RRP1B: variants seen among roughly 807,000 people sequenced by gnomAD.
The protein encoded by RRP1B is ribosomal RNA processing protein 1 homolog B.
Under a neutral mutation model 80.2 loss-of-function variants are expected in RRP1B, and 56 were observed. The observed-to-expected ratio is 0.70, with a 90% CI of 0.56 to 0.87. The LOEUF is 0.87. Among genes scored for constraint, RRP1B ranks in the 40% least tolerant of loss-of-function variants. RRP1B has a pLI of 0.00. For synonymous variants in RRP1B, 351 were observed against 357.6 expected (o/e 0.98, Z 0.21); for missense variants, 807 against 939.8 (o/e 0.86, Z 1.85).
chr21:43,659,570 G>A lies in RRP1B; in HGVS notation c.-95G>A. ...CGCCGCCGCCGCCTTCTGTGCAGTC[G>A]CGGCCCGGGCGGACGGTGGCTGGCT... On this transcript the variant is annotated 5_prime_UTR_variant, in exon 1 of 16. Transcript: ENST00000340648. The surrounding 1 kb of genome is among the most constrained non-coding windows in gnomAD (Gnocchi z 4.2). 2 of 1,234,290 alleles carry A rather than the reference G, an allele frequency of 1.6e-6. No homozygotes were observed. The highest frequency in any genetic ancestry group is 2.0e-6 in the Non-Finnish European group (2 of 986,736). 76.5% of individuals were successfully genotyped at this position (1,234,290 alleles called of 1,614,324 possible). A position where few individuals can be genotyped will look rare whatever the true frequency, so the allele number is the denominator to read the frequency against.
At position 43,693,251 on chromosome 21, in the gene RRP1B, C is replaced by T. The variant is rs751084311; in HGVS notation, c.2145C>T (p.Phe715=). ...VSPTGPSRVA[F]DPEQKPLHGV... ...CCACGGGCCCTTCTCGAGTGGCCTT[C>T]GACCCTGAACAGAAGCCCCTCCACG... Residue 715 remains phenylalanine (F), a synonymous_variant, in exon 16 of 16, where the codon TTC becomes TTT. Transcript: ENST00000340648. This position sits in a 1 kb window ranked among gnomAD's most constrained non-coding sequence, Gnocchi z 4.1. The T allele has an allele frequency of 5.0e-6, 8 of 1,614,040 alleles. No individual in the cohort carries two copies. In the Admixed American group the frequency reaches 6.7e-5, roughly 13 times the overall value.
intron 8 of RRP1B, 79 bp from the exon 9 acceptor site, chr21:43,683,200 A>T: frequency 8.6e-7 from 1 of 1,163,096 alleles, no homozygotes; most frequent in South Asian, 1.3e-5. Flanking sequence ...ACACCTAATT[A>T]GACAGTGGCT....
chr21:43,679,971 T>C (rs2083036927), intron 8 of RRP1B, among the ~76,000 whole-genome samples: 1 of 152,154 alleles, frequency 6.6e-6, no homozygotes, highest in Non-Finnish European at 1.5e-5. Flanking sequence ...AGGGAGTAAG[T>C]TCTTGATATG....
At chr21:43,682,915 C>T (rs1052394055) in intron 8 of RRP1B, among the ~76,000 whole-genome samples, 3 of 152,148 alleles carry the variant, frequency 2.0e-5, no homozygotes, top group Non-Finnish European at 4.4e-5. Flanking sequence ...CGTTGTCGCC[C>T]GGGCTGGAGT....
At chr21:43,682,762 C>G (rs1420988325) in intron 8 of RRP1B, among the ~76,000 whole-genome samples, 1 of 152,244 alleles carries the variant, frequency 6.6e-6, no homozygotes, top group Non-Finnish European at 1.5e-5. Context: ...GTACAAAAGG[C>G]AAAACATGTG....
intron 9 of RRP1B, among the ~76,000 whole-genome samples, 143 bp from the exon 10 acceptor site, chr21:43,684,400 GTGCTCCTGGT>G (rs2083055642): frequency 6.6e-6 from 1 of 152,156 alleles, no homozygotes; most frequent in Non-Finnish European, 1.5e-5. Context: ...GGTAGTGCTT[GTGCTCCTGGT>G]TGCCAAGTCC....
rs2083102933 is a variant in RRP1B at position 43,695,224 on chromosome 21, T to G, written c.*1841T>G. On this transcript the variant is annotated 3_prime_UTR_variant, in exon 16 of 16. Transcript: ENST00000340648. ...TCCTAGAATATTTTTCTAACAATTT[T>G]TATTTCAGCTTTAAAGATGGGTCAT... 6.6e-6 allele frequency: 1 copy of G among 152,220 alleles called. No individual in the cohort carries two copies. Among genetic ancestry groups the G allele is most frequent in the Admixed American group, 6.5e-5 (1 of 15,272 alleles). The allele number at this position is 152,220 out of a possible 1,614,324, so 9.4% of individuals were successfully genotyped here.
At chr21:43,677,321 T>C (rs2083026877) in intron 8 of RRP1B, among the ~76,000 whole-genome samples, 1 of 152,230 alleles carries the variant, frequency 6.6e-6, no homozygotes, top group Non-Finnish European at 1.5e-5. Context: ...TCTCAACTCA[T>C]GGCTTCCTTC....
At position 43,659,830 on chromosome 21, in the gene RRP1B, C is replaced by CGGGCCGGGGGCCGGGGCTGGGGCTA. The variant is rs2082941087; in HGVS notation, c.130+42_130+66dup. ...GGCCGCGGTCAGCCGCGCCACATGG[C>CGGGCCGGGGGCCGGGGCTGGGGCTA]GGGCCGGGGGCCGGGGCTGGGGCTA... On this transcript the variant is annotated intron_variant, in intron 1 of 15. Coordinates refer to ENST00000340648, the MANE Select transcript of RRP1B (RefSeq NM_015056.3). The surrounding 1 kb of genome is among the most constrained non-coding windows in gnomAD (Gnocchi z 4.2). 2 of 1,483,480 alleles carry CGGGCCGGGGGCCGGGGCTGGGGCTA rather than the reference C, an allele frequency of 1.3e-6. No individual in the cohort carries two copies. Among genetic ancestry groups the CGGGCCGGGGGCCGGGGCTGGGGCTA allele is most frequent in the African/African-American group, 2.9e-5 (2 of 68,838 alleles). The allele number at this position is 1,483,480 out of a possible 1,614,324, so 91.9% of individuals were successfully genotyped here.
At chr21:43,663,568 T>A (rs2082966712) in intron 1 of RRP1B, among the ~76,000 whole-genome samples, 1 of 151,902 alleles carries the variant, frequency 6.6e-6, no homozygotes. Context: ...TTGTTTTTGT[T>A]TTTTTGAGAG....
chr21:43,677,823 G>A (rs1011620068), intron 8 of RRP1B, among the ~76,000 whole-genome samples: 11 of 152,206 alleles, frequency 7.2e-5, no homozygotes, highest in African/African-American at 2.7e-4. Context: ...CCAGGTTGCT[G>A]TGGATACCAT....
rs765899482 is a variant in RRP1B, at chr21:43,687,955, T to TG, written c.1583dup (p.Val529SerfsTer118). On this transcript the variant is annotated frameshift_variant, in exon 13 of 16. Coordinates refer to ENST00000340648, the MANE Select transcript of RRP1B (RefSeq NM_015056.3). LOFTEE classifies it high-confidence loss of function. ...AACTCCTAAAAAGGAAGCGGAAACT[T>TG]GGAGTTGTGCCCGTCAATGGCAGTG... 2.5e-6 allele frequency: 4 copies of TG among 1,613,172 alleles called. No individual in the cohort carries two copies. Among genetic ancestry groups the TG allele is most frequent in the South Asian group, 2.2e-5 (2 of 91,088 alleles).
At chr21:43,662,083 T>C (rs1418963172) in intron 1 of RRP1B, among the ~76,000 whole-genome samples, 1 of 152,204 alleles carries the variant, frequency 6.6e-6, no homozygotes, top group Non-Finnish European at 1.5e-5. Context: ...TAGCCAGAAG[T>C]GGGAGTACAT....
At chr21:43,677,611 T>A (rs546196169) in intron 8 of RRP1B, among the ~76,000 whole-genome samples, 19 of 152,322 alleles carry the variant, frequency 1.2e-4, no homozygotes, top group Admixed American at 1.3e-4. Context: ...ATATATATAT[T>A]TTTTAAAGCA....
Position 43,691,306 on chromosome 21 carries a change from C to A in RRP1B, c.2020-133C>A. 1 of 764,034 alleles carries A rather than the reference C, an allele frequency of 1.3e-6. No homozygotes were observed. Among genetic ancestry groups the A allele is most frequent in the South Asian group, 1.6e-5 (1 of 61,686 alleles). 47.3% of individuals were successfully genotyped at this position (764,034 alleles called of 1,614,324 possible). A position where few individuals can be genotyped will look rare whatever the true frequency, so the allele number is the denominator to read the frequency against. On this transcript the variant is annotated intron_variant, in intron 14 of 15. Transcript: ENST00000340648. This position sits in a 1 kb window ranked among gnomAD's most constrained non-coding sequence, Gnocchi z 4.2. ...CTTGGCCGCAGTCCCTTTGGCCTCT[C>A]CCTATATGTGCCACTCAGTAAGCAG...
chr21:43,666,598 A>G (rs978323797), intron 1 of RRP1B, among the ~76,000 whole-genome samples: 1 of 152,030 alleles, frequency 6.6e-6, no homozygotes, highest in East Asian at 1.9e-4. Flanking sequence ...GGTGCGTGTA[A>G]TCCCAGCTAC....
intron 1 of RRP1B, among the ~76,000 whole-genome samples, chr21:43,664,206 A>G (rs2082969098): frequency 2.0e-5 from 3 of 152,022 alleles, no homozygotes; most frequent in Admixed American, 1.3e-4. Context: ...TGGGAAGCCG[A>G]GGCGGGTGGA....
intron 2 of RRP1B, among the ~76,000 whole-genome samples, chr21:43,671,388 CAG>C (rs1209166297): frequency 8.3e-6 from 1 of 120,480 alleles, no homozygotes; most frequent in African/African-American, 3.5e-5. Context: ...TTTTTTTTTA[CAG>C]AGTTTCACTC....
At chr21:43,676,443 A>G in intron 7 of RRP1B, 107 bp downstream of exon 7, 3 of 870,322 alleles carry the variant, frequency 3.4e-6, no homozygotes, top group East Asian at 4.9e-5. Context: ...GCTTCACAGC[A>G]GAGAGCGGCT....
Sources: gnomAD v4.1 joint callset for allele counts (sites outside exome capture counted in the v4.1 genomes callset) on GRCh38, gnomAD v4.1.1 for gene constraint, Gnocchi (gnomAD v3.1) non-coding constraint, MANE v1.5 for transcripts, NCBI Gene and HGNC (gene_info 2026-07-23, HGNC 2026-07-21) for gene names.